ECI2: variants seen among roughly 807,000 people sequenced by gnomAD.
ECI2 encodes the protein D3,D2-enoyl-CoA isomerase.
A neutral mutation model predicts 38.4 loss-of-function variants in ECI2; 27 were observed. That is an observed-to-expected ratio of 0.70 (90% CI 0.52 to 0.97). The LOEUF is 0.97. Ranked by LOEUF, ECI2 falls within the 50% of genes least tolerant of loss-of-function variation. ECI2 has a pLI of 0.00. For missense variants in ECI2, 470 were observed against 474.4 expected (o/e 0.99, Z 0.09); for synonymous variants, 168 against 172.0 (o/e 0.98, Z 0.18).
At chr6:4,119,347 GT>G in intron 7 of ECI2, 72 bp from the exon 8 acceptor site, 1 of 1,233,566 alleles carries the variant, frequency 8.1e-7, no homozygotes, top group Non-Finnish European at 1.1e-6. Flanking sequence ...GAGACAAAGG[GT>G]TTCGCTCTTT....
At chr6:4,116,444 CTT>C (rs11358420) in intron 9 of ECI2, among the ~76,000 whole-genome samples, 40 of 145,496 alleles carry the variant, frequency 2.7e-4, no homozygotes, top group South Asian at 6.6e-4. Flanking sequence ...CCTGTTAAAT[CTT>C]TTTTTTTTTT....
intron 2 of ECI2, among the ~76,000 whole-genome samples, chr6:4,131,218 G>C (rs1338884253): frequency 6.6e-6 from 1 of 152,030 alleles, no homozygotes; most frequent in African/African-American, 2.4e-5. Flanking sequence ...CAAGGAACTA[G>C]TCAACAAATA....
rs1772239415 is a variant in ECI2, at chr6:4,116,008, C to T, written c.1051G>A (p.Val351Ile). Residue 351 changes from valine to isoleucine, a missense_variant, in exon 10 of 10, where the codon GTA (valine) becomes ATA (isoleucine). Physicochemically the swap from Val to Ile is conservative, Grantham distance 29. Coordinates refer to ENST00000380118, the MANE Select transcript of ECI2 (RefSeq NM_206836.3). Reference sequence around the variant, plus strand: ...TTTTCTCTCTCTCTTTTCCTGATTACCTCTTTTGAAATTCTCAAGGCCTGG... The same window carrying T: ...TTTTCTCTCTCTCTTTTCCTGATTATCTCTTTTGAAATTCTCAAGGCCTGG... ...PPNALRISKE[V>I]IRKREREKLH... 1.2e-6 allele frequency: 2 copies of T among 1,613,428 alleles called. No individual in the cohort carries two copies. The highest frequency in any genetic ancestry group is 2.2e-5 in the East Asian group (1 of 44,872).
intron 5 of ECI2, 95 bp downstream of exon 5, chr6:4,127,667 C>T (rs1038743335): frequency 1.5e-6 from 2 of 1,290,780 alleles, no homozygotes; most frequent in Admixed American, 2.2e-5. Flanking sequence ...CCTGCCTCGG[C>T]CTCCAGGTCT....
chr6:4,130,343 G>C, intron 4 of ECI2, 29 bp downstream of exon 4: 1 of 1,614,074 alleles, frequency 6.2e-7, no homozygotes, highest in Non-Finnish European at 8.5e-7. Context: ...AAGTAAAACA[G>C]GACAAACTCC....
At chr6:4,121,993 A>G (rs1772817659) in intron 7 of ECI2, 2 of 1,608,374 alleles carry the variant, frequency 1.2e-6, no homozygotes, top group East Asian at 2.2e-5. Context: ...AGCCTAAGGA[A>G]TACAAGCAGG....
chr6:4,125,131 A>C (rs1773056591), intron 7 of ECI2, 119 bp downstream of exon 7: 1 of 1,478,632 alleles, frequency 6.8e-7, no homozygotes, highest in Non-Finnish European at 9.2e-7. Context: ...ATCTAAATTC[A>C]GTTAATTCTA....
Position 4,125,327 on chromosome 6 carries a change from C to T in ECI2, c.718G>A (p.Ala240Thr). 1 of 1,614,152 alleles carries T rather than the reference C, an allele frequency of 6.2e-7. No homozygotes were observed. Among genetic ancestry groups the T allele is most frequent in the East Asian group, 2.2e-5 (1 of 44,884 alleles). ...CCCACAGCTGGACCATTGACCACTG[C>T]AATCAGAGGCTTAGGAAAATCTATA... is the stretch of plus-strand genomic sequence containing the variant. Reference protein sequence around the residue: ...CFIDFPKPLIAVVNGPAVGIS... With the variant: ...CFIDFPKPLITVVNGPAVGIS... The change falls in exon 7 of 10, where the codon GCA becomes ACA. Residue 240 changes from alanine to threonine, a missense_variant. Ala to Thr is a moderately conservative substitution (Grantham distance 58, BLOSUM62 0). Coordinates refer to ENST00000380118, the MANE Select transcript of ECI2 (RefSeq NM_206836.3).
chr6:4,118,307 C>G (rs1462366000), intron 8 of ECI2: 1 of 152,536 alleles, frequency 6.6e-6, no homozygotes, highest in Non-Finnish European at 1.5e-5. Context: ...GCTGGGATTA[C>G]AGGTGTGAGC....
chr6:4,125,410 G>T, intron 6 of ECI2, 40 bp from the exon 7 acceptor site: 2 of 1,612,082 alleles, frequency 1.2e-6, no homozygotes, highest in South Asian at 2.2e-5. Flanking sequence ...ATGTGCCAAA[G>T]CAGCATGACT....
At chr6:4,130,944 T>A in intron 2 of ECI2, 79 bp from the exon 3 acceptor site, 1 of 1,362,918 alleles carries the variant, frequency 7.3e-7, no homozygotes, top group Non-Finnish European at 1.0e-6. Flanking sequence ...ATAAAATCTG[T>A]AAGTACATGA....
At chr6:4,122,433 C>T (rs1375437014) in intron 7 of ECI2, among the ~76,000 whole-genome samples, 2 of 152,264 alleles carry the variant, frequency 1.3e-5, no homozygotes, top group East Asian at 3.9e-4. Flanking sequence ...GTTGGCCAGG[C>T]TGGTCTCGAA....
At chr6:4,133,046 G>T (rs902575674) in intron 2 of ECI2, among the ~76,000 whole-genome samples, 16 of 152,170 alleles carry the variant, frequency 1.1e-4, no homozygotes, top group Admixed American at 3.9e-4. Context: ...TTACAGGCGT[G>T]AGCCACCATG....
intron 5 of ECI2, 91 bp from the exon 6 acceptor site, chr6:4,126,328 G>GA (rs1307254218): frequency 3.7e-6 from 4 of 1,074,800 alleles, no homozygotes; most frequent in Non-Finnish European, 5.4e-6. Flanking sequence ...TTAGGCAAGG[G>GA]AAATACATTG....
At chr6:4,134,964 T>C (rs984752597) in intron 1 of ECI2, among the ~76,000 whole-genome samples, 1 of 152,238 alleles carries the variant, frequency 6.6e-6, no homozygotes, top group East Asian at 1.9e-4. Flanking sequence ...TTGTTCCCTA[T>C]GCACAGATTC....
At chr6:4,131,025 T>C (rs1357344121) in intron 2 of ECI2, 160 bp from the exon 3 acceptor site, 2 of 573,936 alleles carry the variant, frequency 3.5e-6, no homozygotes, top group Non-Finnish European at 5.9e-6. Flanking sequence ...TCTTTGATGT[T>C]GTTGCCAAAA....
At chr6:4,117,825 T>C (rs1178624951) in intron 8 of ECI2, 1 of 161,648 alleles carries the variant, frequency 6.2e-6, no homozygotes, top group Non-Finnish European at 1.3e-5. Context: ...ATTACGGTCA[T>C]TGGGTCAACC....
intron 4 of ECI2, among the ~76,000 whole-genome samples, chr6:4,128,374 A>T (rs1384431059): frequency 6.6e-6 from 1 of 152,210 alleles, no homozygotes; most frequent in Admixed American, 6.5e-5. Flanking sequence ...ATGGTATTCA[A>T]GGAAGGTGGC....
At chr6:4,133,522 A>G in intron 2 of ECI2, 27 bp downstream of exon 2, 2 of 1,572,150 alleles carry the variant, frequency 1.3e-6, no homozygotes, top group Non-Finnish European at 1.7e-6. Flanking sequence ...AAAATTCTTT[A>G]AATAACGTTC....
Sources: allele counts gnomAD v4.1 joint callset (sites outside exome capture counted in the v4.1 genomes callset), GRCh38; gene constraint gnomAD v4.1.1; transcripts MANE v1.5; gene names NCBI Gene and HGNC (gene_info 2026-07-23, HGNC 2026-07-21).